The following MYO1B variants were observed in gnomAD, a reference collection of about 807,000 sequenced individuals.
MYO1B encodes the protein unconventional myosin-Ib.
In MYO1B, 72 loss-of-function variants were observed where a neutral mutation model predicts 159.7. The observed-to-expected ratio is 0.45, with a 90% CI of 0.37 to 0.55. MYO1B has a LOEUF of 0.55. MYO1B is among the 20% of genes least tolerant of loss of function. The pLI is 0.00. For synonymous variants in MYO1B, 468 were observed against 473.8 expected, an observed-to-expected ratio of 0.99 and a Z score of 0.16; for missense variants, 1,062 against 1,364.8, an observed-to-expected ratio of 0.78 and a Z score of 3.50.
chr2:191,316,125 A>G (rs1690333179), intron 3 of MYO1B, among the ~76,000 whole-genome samples: 5 of 152,202 alleles, frequency 3.3e-5, no homozygotes, highest in Admixed American at 3.3e-4. Context: ...TTTCTCATAA[A>G]TGGGCTTTGA....
intron 12 of MYO1B, 93 bp from the exon 13 acceptor site, chr2:191,370,134 T>A (rs1050306803): frequency 1.1e-5 from 9 of 809,566 alleles, no homozygotes; most frequent in Non-Finnish European, 1.8e-5. Context: ...TTAAGAAACA[T>A]AATTAATTTG....
chr2:191,336,151 G>A (rs765027958), intron 4 of MYO1B, among the ~76,000 whole-genome samples: 2 of 152,132 alleles, frequency 1.3e-5, no homozygotes, highest in South Asian at 4.1e-4. Flanking sequence ...TGATCCCAAC[G>A]TTAGGAAACA....
At position 191,369,581 on chromosome 2, in the gene MYO1B, A is replaced by C; in HGVS notation, c.1072A>C (p.Ser358Arg). 1 of 1,613,656 alleles carries C rather than the reference A, an allele frequency of 6.2e-7. No individual in the cohort carries two copies. The highest frequency in any genetic ancestry group is 8.5e-7 in the Non-Finnish European group (1 of 1,179,676). Residue 358 changes from serine (S) to arginine (R), a missense_variant, in exon 12 of 31, where the codon AGC becomes CGC. Ser to Arg is a moderately radical substitution (Grantham distance 110). Coordinates refer to ENST00000392318, the MANE Select transcript of MYO1B (RefSeq NM_001130158.3). Reference protein sequence around the residue: ...ARDALAKNLYSRLFSWLVNRI... With the variant: ...ARDALAKNLYRRLFSWLVNRI... ...TGATGCTCTGGCTAAAAACCTCTAC[A>C]GCAGGTTGTTTTCATGGTTGGTAAA...
intron 1 of MYO1B, among the ~76,000 whole-genome samples, chr2:191,273,412 C>T (rs369591504): frequency 1.4e-4 from 21 of 152,260 alleles, no homozygotes; most frequent in East Asian, 1.9e-4. Flanking sequence ...CGTGAGCCAC[C>T]GCGCCTGGCC....
chr2:191,399,868 T>G (rs1696498112), intron 21 of MYO1B, among the ~76,000 whole-genome samples: 2 of 152,226 alleles, frequency 1.3e-5, no homozygotes, highest in African/African-American at 2.4e-5. Flanking sequence ...AAAGTCCACC[T>G]TGAAACCAGG....
rs141251623 is a variant in MYO1B, at chr2:191,321,917, C to T, written c.252-8018C>T. ...ACAGTGAGTACAACGCCTCTTACCT[C>T]ATGAGTATCCATGAAATCCTTTGGG... On this transcript the variant is annotated intron_variant, in intron 3 of 30. Transcript: ENST00000392318. 6.4e-4 allele frequency among the ~76,000 whole-genome samples: 98 copies of T among 152,254 alleles called. 1 individual carries two copies. The East Asian group carries it at 0.013, about 21-fold the overall frequency.
chr2:191,408,913 G>C, intron 25 of MYO1B, 131 bp from the exon 26 acceptor site: 1 of 973,372 alleles, frequency 1.0e-6, no homozygotes, highest in Non-Finnish European at 1.5e-6. Flanking sequence ...TCCCAGATGA[G>C]TTACAGTTCT....
At chr2:191,252,773 T>A (rs979337366) in intron 1 of MYO1B, among the ~76,000 whole-genome samples, 1 of 152,214 alleles carries the variant, frequency 6.6e-6, no homozygotes, top group Non-Finnish European at 1.5e-5. Flanking sequence ...TCTAAATTTA[T>A]TACCTCTTAC....
At chr2:191,331,763 A>G (rs1000486729) in intron 4 of MYO1B, among the ~76,000 whole-genome samples, 2 of 152,238 alleles carry the variant, frequency 1.3e-5, no homozygotes, top group Admixed American at 6.5e-5. Flanking sequence ...TCCAAATTAC[A>G]TGCAAAACAT....
chr2:191,331,429 C>CT (rs911011087), intron 4 of MYO1B, among the ~76,000 whole-genome samples: 1 of 152,170 alleles, frequency 6.6e-6, no homozygotes, highest in Non-Finnish European at 1.5e-5. Context: ...TCTTCCTTAC[C>CT]TAGAGTTCAA....
At chr2:191,361,087 C>T (rs570757146) in intron 8 of MYO1B, among the ~76,000 whole-genome samples, 1 of 152,234 alleles carries the variant, frequency 6.6e-6, no homozygotes, top group African/African-American at 2.4e-5. Flanking sequence ...TGTACCTCAC[C>T]AGATACTGTG....
chr2:191,312,388 C>T (rs546843853), intron 3 of MYO1B, among the ~76,000 whole-genome samples: 2 of 152,182 alleles, frequency 1.3e-5, no homozygotes, highest in Non-Finnish European at 2.9e-5. Flanking sequence ...ATATGGGAAA[C>T]CACCTCCATT....
intron 4 of MYO1B, among the ~76,000 whole-genome samples, chr2:191,331,344 C>T (rs1027091343): frequency 6.6e-6 from 1 of 152,018 alleles, no homozygotes; most frequent in African/African-American, 2.4e-5. Context: ...AGCCAAACTC[C>T]TTTTGAAGTG....
At chr2:191,384,066 C>T (rs1437560738) in intron 15 of MYO1B, among the ~76,000 whole-genome samples, 2 of 152,132 alleles carry the variant, frequency 1.3e-5, no homozygotes, top group Admixed American at 1.3e-4. Context: ...CAAGTATGTG[C>T]ATATGCAAAA....
chr2:191,324,877 A>G (rs1031272561), intron 3 of MYO1B, among the ~76,000 whole-genome samples: 5 of 152,208 alleles, frequency 3.3e-5, no homozygotes, highest in South Asian at 4.1e-4. Context: ...TAACTTGACA[A>G]TGATATCAAA....
Position 191,392,197 on chromosome 2 carries a change from G to C in MYO1B, c.2072G>C (p.Arg691Thr). The C allele has an allele frequency of 6.2e-7, 1 of 1,600,502 alleles. No homozygotes were observed. Among genetic ancestry groups the C allele is most frequent in the South Asian group, 1.1e-5 (1 of 89,130 alleles). Residue 691 changes from arginine (R) to threonine (T), a missense_variant, in exon 19 of 31, where the codon AGA (arginine) becomes ACA (threonine). Physicochemically the swap from Arg to Thr is moderately conservative, Grantham distance 71 (BLOSUM62 -1). Around this residue, in one of 5 missense-constraint regions of MYO1B, gnomAD observed 609 missense variants for 744.4 expected, o/e 0.82. Transcript: ENST00000392318. The part of the protein sequence containing the change: ...GRSKIFIRNP[R>T]TLFKLEDLRK... Reference sequence around the variant, plus strand: ...TCAAAGATATTCATCCGAAACCCAAGAACAGTATGTAACGAAAACCTTTAC... The same window carrying C: ...TCAAAGATATTCATCCGAAACCCAACAACAGTATGTAACGAAAACCTTTAC...
chr2:191,381,056 G>T, intron 13 of MYO1B: 1 of 298,616 alleles, frequency 3.3e-6, no homozygotes, highest in East Asian at 8.3e-5. Flanking sequence ...ACAATAAGGG[G>T]TCAGTTCAGG....
chr2:191,283,740 G>A (rs1452917934), intron 2 of MYO1B, among the ~76,000 whole-genome samples: 1 of 152,188 alleles, frequency 6.6e-6, no homozygotes, highest in Non-Finnish European at 1.5e-5. Context: ...CTTAATGATA[G>A]TCCTGCTGAC....
intron 13 of MYO1B, among the ~76,000 whole-genome samples, chr2:191,372,248 A>G (rs2126043851): frequency 6.6e-6 from 1 of 152,372 alleles, no homozygotes; most frequent in South Asian, 2.1e-4. Context: ...ATTTTGCTAG[A>G]AAAGGATTAT....
Sources: gnomAD v4.1 joint callset for allele counts (sites outside exome capture counted in the v4.1 genomes callset) on GRCh38, gnomAD v4.1.1 for gene constraint, gnomAD v4.1.1 regional missense constraint, MANE v1.5 for transcripts, NCBI Gene and HGNC (gene_info 2026-07-23, HGNC 2026-07-21) for gene names.